The following CREB1 variants were observed in gnomAD, a reference collection of about 807,000 sequenced individuals.
CREB1 encodes the protein cAMP responsive element binding protein 1.
Under a neutral mutation model 42.0 loss-of-function variants are expected in CREB1, and 2 were observed. The observed-to-expected ratio is 0.05, with a 90% confidence interval of 0.02 to 0.15. The LOEUF (loss-of-function observed/expected upper bound fraction) is 0.15, where lower values mean the gene tolerates loss of function less well. CREB1 is among the 10% of genes least tolerant of loss of function. The pLI, the probability that CREB1 is intolerant of heterozygous loss-of-function variation, is 1.00. For missense variants in CREB1, 199 were observed against 388.9 expected (o/e 0.51, Z 4.11); for synonymous variants, 123 against 139.9 (o/e 0.88, Z 0.85).
intron 7 of CREB1, among the ~76,000 whole-genome samples, chr2:207,592,656 CACGCA>C (rs1480313189): frequency 6.6e-6 from 1 of 152,058 alleles, no homozygotes; most frequent in Admixed American, 6.5e-5. Context: ...TGCAGTGGCT[CACGCA>C]TGTAATCCCA....
rs1473188938 is a variant in CREB1, at chr2:207,600,759, GC to G, written c.*3702del. 1 of 210,098 alleles carries G rather than the reference GC, an allele frequency of 4.8e-6. No individual in the cohort carries two copies. 13.0% of individuals were successfully genotyped at this position (210,098 alleles called of 1,614,324 possible). A position where few individuals can be genotyped will look rare whatever the true frequency, so the allele number is the denominator to read the frequency against. ...AGCCTATCCCATCAGATGTCATCTG[GC>G]TGAAGTTTATCTCTGTCTCTCAGGA... is the stretch of plus-strand genomic sequence containing the variant. On this transcript the variant is annotated 3_prime_UTR_variant, in exon 8 of 8. Transcript: ENST00000353267.
At chr2:207,584,194 G>T (rs1451556577) in intron 7 of CREB1, among the ~76,000 whole-genome samples, 1 of 152,162 alleles carries the variant, frequency 6.6e-6, no homozygotes, top group East Asian at 1.9e-4. Flanking sequence ...TGCATGAAAT[G>T]TAACTAACTG....
intron 1 of CREB1, among the ~76,000 whole-genome samples, chr2:207,534,263 G>C (rs914240414): frequency 1.3e-5 from 2 of 152,184 alleles, no homozygotes; most frequent in South Asian, 4.1e-4. Context: ...TTGAGACGGA[G>C]TCTTGCTCTG....
At chr2:207,583,488 A>C (rs2083297289) in intron 7 of CREB1, among the ~76,000 whole-genome samples, 1 of 152,214 alleles carries the variant, frequency 6.6e-6, no homozygotes, top group South Asian at 2.1e-4. Context: ...GTTACAGTGC[A>C]GTATTTATAT....
intron 1 of CREB1, among the ~76,000 whole-genome samples, chr2:207,541,899 C>G (rs921166002): frequency 7.2e-5 from 11 of 152,176 alleles, no homozygotes; most frequent in African/African-American, 2.4e-4. Context: ...ACCTTTGTGT[C>G]TCTATAGGTT....
intron 1 of CREB1, among the ~76,000 whole-genome samples, chr2:207,546,238 T>C (rs2081297972): frequency 1.3e-5 from 2 of 152,166 alleles, no homozygotes; most frequent in Non-Finnish European, 2.9e-5. Context: ...ACAGTACATC[T>C]ACACAGAAGG....
At chr2:207,533,991 T>G (rs1029786254) in intron 1 of CREB1, among the ~76,000 whole-genome samples, 1 of 152,350 alleles carries the variant, frequency 6.6e-6, no homozygotes, top group South Asian at 2.1e-4. Flanking sequence ...TTCATAAGAT[T>G]GCGAGATAAA....
At chr2:207,554,760 G>T (rs1269128350) in intron 1 of CREB1, among the ~76,000 whole-genome samples, 2 of 152,126 alleles carry the variant, frequency 1.3e-5, no homozygotes, top group African/African-American at 4.8e-5. Context: ...ATAAATAAAA[G>T]ATTTCTCTGT....
chr2:207,555,661 A>G lies in CREB1; in HGVS notation c.26A>G (p.Asn9Ser). ...ATGACCATGGAATCTGGAGCCGAGA[A>G]CCAGCAGAGTGGAGATGCAGCTGTA... Reference protein sequence around the residue: MTMESGAENQQSGDAAVTE... With the variant: MTMESGAESQQSGDAAVTE... Residue 9 changes from asparagine to serine, a missense_variant, in exon 2 of 8, where the codon AAC becomes AGC. Transcript: ENST00000353267. 6.2e-7 allele frequency: 1 copy of G among 1,613,110 alleles called. No individual in the cohort carries two copies. Among genetic ancestry groups the G allele is most frequent in the Non-Finnish European group, 8.5e-7 (1 of 1,179,300 alleles).
chr2:207,554,674 T>C (rs2081644165), intron 1 of CREB1, among the ~76,000 whole-genome samples: 1 of 152,206 alleles, frequency 6.6e-6, no homozygotes, highest in Non-Finnish European at 1.5e-5. Flanking sequence ...CCTACAAATA[T>C]ACTAAGTGCT....
At chr2:207,565,791 T>A (rs974814132) in intron 3 of CREB1, among the ~76,000 whole-genome samples, 1 of 152,164 alleles carries the variant, frequency 6.6e-6, no homozygotes, top group African/African-American at 2.4e-5. Context: ...ACAACACTTG[T>A]CACAGTACTA....
chr2:207,567,577 T>G lies in CREB1; in HGVS notation c.362+14T>G, dbSNP rs1397479716. On this transcript the variant is annotated intron_variant, in intron 4 of 7. Transcript: ENST00000353267. Reference sequence around the variant, plus strand: ...GCCTTCCTACAGGTATGGAATTTAATAGTTAGAATCAAAGATGTGGAGGAA... The same window carrying G: ...GCCTTCCTACAGGTATGGAATTTAAGAGTTAGAATCAAAGATGTGGAGGAA... The G allele has an allele frequency of 3.8e-6, 6 of 1,569,408 alleles. No homozygotes were observed. The East Asian group carries it at 9.0e-5, about 24-fold the overall frequency.
chr2:207,592,911 C>CAAAAAAGAAAAAAAAAAAAGAA lies in CREB1; in HGVS notation c.840-3992_840-3991insAAAAAAAAGAAAAAAAAGAAAA, dbSNP rs146008919. Among the ~76,000 whole-genome samples the CAAAAAAGAAAAAAAAAAAAGAA allele has an allele frequency of 3.0e-3, 429 of 145,172 alleles. 1 individual carries two copies. The highest frequency in any genetic ancestry group is 9.1e-3 in the African/African-American group (359 of 39,270). ...CTGGCGACAGAGCAAGACTCCATCT[C>CAAAAAAGAAAAAAAAAAAAGAA]AAAAAAGAAAAGAAAATTCTCAGAT... On this transcript the variant is annotated intron_variant, in intron 7 of 7. Coordinates refer to ENST00000353267, the MANE Select transcript of CREB1 (RefSeq NM_004379.5).
chr2:207,569,238 G>A, intron 4 of CREB1, among the ~76,000 whole-genome samples: 1 of 152,132 alleles, frequency 6.6e-6, no homozygotes. Flanking sequence ...CAGTGCCAAT[G>A]GGAATAATCT....
chr2:207,535,769 G>A (rs893703412), intron 1 of CREB1, among the ~76,000 whole-genome samples: 3 of 150,994 alleles, frequency 2.0e-5, no homozygotes, highest in Non-Finnish European at 2.9e-5. Context: ...CTAGCTTTTC[G>A]AAACAGCATT....
intron 1 of CREB1, among the ~76,000 whole-genome samples, chr2:207,549,930 A>AC (rs1355136922): frequency 6.6e-6 from 1 of 151,744 alleles, no homozygotes. Flanking sequence ...AGATTGTGCC[A>AC]CCACACTCCA....
At position 207,604,827 on chromosome 2, in the gene CREB1, T is replaced by C. The variant is rs1295958128; in HGVS notation, c.*7769T>C. On this transcript the variant is annotated 3_prime_UTR_variant, in exon 8 of 8. Transcript: ENST00000353267. ...ATCCGGGTATTTCATGTGAGACTCA[T>C]ACACTGTGTATTACTTCTTTCGTCT... Among the ~76,000 whole-genome samples the C allele has an allele frequency of 2.0e-5, 3 of 152,244 alleles. No homozygotes were observed. Among genetic ancestry groups the C allele is most frequent in the Non-Finnish European group, 4.4e-5 (3 of 68,036 alleles).
chr2:207,543,712 C>T (rs1057217381), intron 1 of CREB1, among the ~76,000 whole-genome samples: 1 of 152,050 alleles, frequency 6.6e-6, no homozygotes, highest in Non-Finnish European at 1.5e-5. Flanking sequence ...AAGTGATTCT[C>T]CTGCCTCAGC....
intron 1 of CREB1, among the ~76,000 whole-genome samples, chr2:207,542,903 C>G (rs989266571): frequency 6.6e-6 from 1 of 152,138 alleles, no homozygotes; most frequent in Non-Finnish European, 1.5e-5. Context: ...TTTGTAGTGA[C>G]AGATGAAAGA....
Sources: gnomAD v4.1 joint callset for allele counts (sites outside exome capture counted in the v4.1 genomes callset) on GRCh38, gnomAD v4.1.1 for gene constraint, MANE v1.5 for transcripts, NCBI Gene and HGNC (gene_info 2026-07-23, HGNC 2026-07-21) for gene names.